The following SGCZ variants were observed in gnomAD, a reference collection of about 807,000 sequenced individuals.
SGCZ encodes the protein sarcoglycan zeta.
SGCZ carries 40 observed loss-of-function variants against 41.3 expected under a neutral mutation model. That is an observed-to-expected ratio of 0.97 (90% CI 0.75 to 1.26). The LOEUF (loss-of-function observed/expected upper bound fraction) is 1.26, where lower values mean the gene tolerates loss of function less well. SGCZ is among the 50% of genes most tolerant of loss of function. The probability of loss-of-function intolerance (pLI) is 0.00; values close to 1 mark genes in which losing one functional copy is unlikely to be tolerated. For synonymous variants in SGCZ, 206 were observed against 137.5 expected (o/e 1.50, Z -3.49); for missense variants, 552 against 369.8 (o/e 1.49, Z -4.04).
rs777752560 is a variant in SGCZ, at chr8:15,010,028, TA to T, written c.39+227556del. On this transcript the variant is annotated intron_variant, in intron 1 of 7. Transcript: ENST00000382080. ...TTTGGAGAAAATATGTGTTAGTGTATATTTTTTTTCTGCTACCTTTAATACA... is the reference window on the plus strand; with the variant it reads ...TTTGGAGAAAATATGTGTTAGTGTATTTTTTTTTCTGCTACCTTTAATACA... 1.5e-4 allele frequency among the ~76,000 whole-genome samples: 23 copies of T among 152,260 alleles called. No individual in the cohort carries two copies. The South Asian group carries it at 2.7e-3, about 18-fold the overall frequency.
chr8:14,724,324 T>C (rs915855110), intron 1 of SGCZ, among the ~76,000 whole-genome samples: 7 of 151,492 alleles, frequency 4.6e-5, no homozygotes, highest in African/African-American at 1.7e-4. Context: ...TATATATATA[T>C]GTGTTCTAAT....
intron 1 of SGCZ, among the ~76,000 whole-genome samples, chr8:15,237,157 G>C (rs1262805322): frequency 6.6e-6 from 1 of 152,238 alleles, no homozygotes; most frequent in Admixed American, 6.5e-5. Flanking sequence ...TGGGGCACAG[G>C]CGGGATCGGA....
At position 14,615,784 on chromosome 8, in the gene SGCZ, G is replaced by T. The variant is rs533750508; in HGVS notation, c.40-60858C>A. ...TAGAGTAAGAAATACTCTGTACCTC[G>T]CAACACAGAACATTTACATATATGT... On this transcript the variant is annotated intron_variant, in intron 1 of 7. Transcript: ENST00000382080. Among the ~76,000 whole-genome samples, 7 of 152,160 alleles carry T rather than the reference G, an allele frequency of 4.6e-5. No individual in the cohort carries two copies. In the South Asian group the frequency reaches 1.5e-3, roughly 32 times the overall value.
intron 1 of SGCZ, among the ~76,000 whole-genome samples, chr8:15,210,098 G>A (rs1240447696): frequency 1.3e-5 from 2 of 152,092 alleles, no homozygotes; most frequent in Non-Finnish European, 2.9e-5. Flanking sequence ...GATTCTAAGA[G>A]GACAAGTCTT....
At chr8:14,141,840 C>T (rs917660520) in intron 5 of SGCZ, among the ~76,000 whole-genome samples, 1 of 152,170 alleles carries the variant, frequency 6.6e-6, no homozygotes, top group Non-Finnish European at 1.5e-5. Flanking sequence ...GATTATAAAA[C>T]ATGTTGCTAT....
At chr8:14,594,629 T>C (rs777722503) in intron 1 of SGCZ, among the ~76,000 whole-genome samples, 8 of 151,944 alleles carry the variant, frequency 5.3e-5, no homozygotes, top group Non-Finnish European at 1.2e-4. Flanking sequence ...TTTCTCCTAA[T>C]TGATGTATTT....
intron 1 of SGCZ, among the ~76,000 whole-genome samples, chr8:14,731,472 C>T (rs1810237199): frequency 1.3e-5 from 2 of 151,970 alleles, no homozygotes; most frequent in Admixed American, 6.6e-5. Context: ...CACCATGGCA[C>T]GTGTATACCT....
chr8:14,922,792 G>C (rs1799630627), intron 1 of SGCZ, among the ~76,000 whole-genome samples: 1 of 152,148 alleles, frequency 6.6e-6, no homozygotes, highest in African/African-American at 2.4e-5. Flanking sequence ...ACATATTAGA[G>C]ATGGAGACCA....
intron 1 of SGCZ, among the ~76,000 whole-genome samples, chr8:14,844,268 T>TTA (rs1803025116): frequency 6.6e-6 from 1 of 152,124 alleles, no homozygotes; most frequent in African/African-American, 2.4e-5. Flanking sequence ...CGATTCACTG[T>TTA]TATATATCTT....
chr8:15,195,746 T>C (rs1039705617), intron 1 of SGCZ, among the ~76,000 whole-genome samples: 26 of 152,240 alleles, frequency 1.7e-4, no homozygotes, highest in African/African-American at 6.0e-4. Context: ...CGATTTTTCA[T>C]CTAAAAAAAA....
intron 7 of SGCZ, among the ~76,000 whole-genome samples, chr8:14,096,179 C>T (rs891452564): frequency 2.4e-4 from 37 of 152,090 alleles, no homozygotes; most frequent in African/African-American, 8.9e-4. Flanking sequence ...TTGTCTTGTG[C>T]CAGTTTTCAA....
chr8:14,747,433 G>C (rs1799367536), intron 1 of SGCZ, among the ~76,000 whole-genome samples: 1 of 152,170 alleles, frequency 6.6e-6, no homozygotes, highest in South Asian at 2.1e-4. Context: ...AACGTCCAGA[G>C]AGAAGCAAAT....
At chr8:14,660,729 T>C (rs1807720847) in intron 1 of SGCZ, among the ~76,000 whole-genome samples, 1 of 151,928 alleles carries the variant, frequency 6.6e-6, no homozygotes, top group Non-Finnish European at 1.5e-5. Flanking sequence ...AAAGAGTAAG[T>C]AGAAAGGTCT....
At chr8:14,822,377 T>C (rs1387136524) in intron 1 of SGCZ, among the ~76,000 whole-genome samples, 2 of 152,136 alleles carry the variant, frequency 1.3e-5, no homozygotes, top group African/African-American at 4.8e-5. Context: ...ATTCATGAAC[T>C]GGAAGAATTA....
chr8:14,392,554 G>A (rs1033387325), intron 2 of SGCZ, among the ~76,000 whole-genome samples: 5 of 152,048 alleles, frequency 3.3e-5, no homozygotes, highest in African/African-American at 9.7e-5. Context: ...CAGATATAGG[G>A]GTCCATGTAC....
At chr8:14,161,387 A>C (rs912134663) in intron 5 of SGCZ, 1 of 152,154 alleles carries the variant, frequency 6.6e-6, no homozygotes, top group African/African-American at 2.4e-5. Flanking sequence ...TAGTTTGTCT[A>C]TGTGCCTATG....
At chr8:14,481,692 T>C (rs549753461) in intron 2 of SGCZ, among the ~76,000 whole-genome samples, 1 of 152,264 alleles carries the variant, frequency 6.6e-6, no homozygotes, top group East Asian at 1.9e-4. Context: ...ATTTGAATTT[T>C]ATACTAGGAG....
chr8:14,313,300 G>A (rs551830319), intron 3 of SGCZ, among the ~76,000 whole-genome samples: 29 of 152,134 alleles, frequency 1.9e-4, no homozygotes, highest in East Asian at 7.8e-4. Context: ...TGCTACCCCA[G>A]GGCTGATTTT....
At chr8:14,624,002 A>G (rs1245003160) in intron 1 of SGCZ, among the ~76,000 whole-genome samples, 2 of 152,218 alleles carry the variant, frequency 1.3e-5, no homozygotes, top group African/African-American at 2.4e-5. Context: ...TGATTCAGGT[A>G]TAAAGTCCTA....
Sources: allele counts gnomAD v4.1 joint callset (sites outside exome capture counted in the v4.1 genomes callset), GRCh38; gene constraint gnomAD v4.1.1; transcripts MANE v1.5; gene names NCBI Gene and HGNC (gene_info 2026-07-23, HGNC 2026-07-21).